Variants in NOX4 observed in about 807,000 individuals in gnomAD.
The protein encoded by NOX4 is kidney oxidase-1.
NOX4 carries 69 observed loss-of-function variants against 87.6 expected under a neutral mutation model. The ratio of observed to expected loss-of-function variants is 0.79; its 90% CI spans 0.65 to 0.96. The LOEUF (loss-of-function observed/expected upper bound fraction) is 0.96, where lower values mean the gene tolerates loss of function less well. Among genes scored for constraint, NOX4 ranks in the 40% least tolerant of loss-of-function variants. The pLI, the probability that NOX4 is intolerant of heterozygous loss-of-function variation, is 0.00. For missense variants in NOX4, 680 were observed against 681.5 expected, an observed-to-expected ratio of 1.00 and a Z score of 0.02; for synonymous variants, 275 against 238.2, an observed-to-expected ratio of 1.15 and a Z score of -1.42.
intron 4 of NOX4, among the ~76,000 whole-genome samples, chr11:89,448,415 G>T (rs551962363): frequency 6.6e-6 from 1 of 152,012 alleles, no homozygotes; most frequent in Admixed American, 6.6e-5. Context: ...TTTTAAAAAG[G>T]CTTATAATAG....
the NOX4 span, among the ~76,000 whole-genome samples, chr11:89,503,537 T>C: frequency 6.6e-6 from 1 of 151,702 alleles, no homozygotes; most frequent in African/African-American, 2.4e-5. Context: ...ACTCAATAAG[T>C]AAAAAAATCA....
intron 13 of NOX4, among the ~76,000 whole-genome samples, chr11:89,347,315 G>C (rs1212468481): frequency 6.6e-6 from 1 of 152,174 alleles, no homozygotes; most frequent in Non-Finnish European, 1.5e-5. Context: ...ATGGATTGAA[G>C]ATATAAAAGC....
rs12798436 is a variant in NOX4 at position 89,335,993 on chromosome 11, C to T, written c.1516-48G>A. 3.4e-6 allele frequency: 4 copies of T among 1,169,654 alleles called. No individual in the cohort carries two copies. The Admixed American group carries it at 8.6e-5, about 25-fold the overall frequency. 72.5% of individuals were successfully genotyped at this position (1,169,654 alleles called of 1,614,324 possible). A position where few individuals can be genotyped will look rare whatever the true frequency, so the allele number is the denominator to read the frequency against. On this transcript the variant is annotated intron_variant, in intron 16 of 17. Transcript: ENST00000263317. The stretch of plus-strand genomic sequence containing the variant: ...TTATTCGATATTTAGTTAAGTAAAC[C>T]AGTTCTCTAACATCATTTCTGCTGG...
intron 5 of NOX4, among the ~76,000 whole-genome samples, chr11:89,440,931 T>C (rs988454187): frequency 4.6e-5 from 7 of 152,134 alleles, no homozygotes; most frequent in Non-Finnish European, 1.5e-5. Flanking sequence ...AATCTATCCA[T>C]CTGAGGCAAA....
the NOX4 span, among the ~76,000 whole-genome samples, chr11:89,541,876 G>A: frequency 6.6e-6 from 1 of 152,314 alleles, no homozygotes; most frequent in African/African-American, 2.4e-5. Context: ...CTAGAATGCA[G>A]TAGTGCAATC....
At chr11:89,535,720 A>C in the NOX4 span, among the ~76,000 whole-genome samples, 1 of 152,094 alleles carries the variant, frequency 6.6e-6, no homozygotes, top group South Asian at 2.1e-4. Flanking sequence ...TTTTAACTAA[A>C]GAGTGTAGCA....
In NOX4 at chr11:89,373,827, AAAGG is replaced by A. The variant is rs1474247227; in HGVS notation, c.1075-339_1075-336del. Among the ~76,000 whole-genome samples, 8 of 152,214 alleles carry A rather than the reference AAAGG, an allele frequency of 5.3e-5. No homozygotes were observed. In the South Asian group the frequency reaches 1.7e-3, roughly 32 times the overall value. On this transcript the variant is annotated intron_variant, in intron 11 of 17. Coordinates refer to ENST00000263317, the MANE Select transcript of NOX4 (RefSeq NM_016931.5). Reference sequence around the variant, plus strand: ...ATAAGAAAAGCCAGTTTTAAATCACAAAGGAAGAAACAAAAACTAATGCTTTTTT... The same window carrying A: ...ATAAGAAAAGCCAGTTTTAAATCACAAAGAAACAAAAACTAATGCTTTTTT...
upstream of NOX4, among the ~76,000 whole-genome samples, chr11:89,500,394 A>C (rs893823657): frequency 1.2e-4 from 19 of 152,242 alleles, no homozygotes; most frequent in African/African-American, 4.3e-4. Context: ...TTGTCAACCA[A>C]ATGTCTTCAT....
intron 12 of NOX4, among the ~76,000 whole-genome samples, chr11:89,367,409 C>T (rs1317623906): frequency 6.6e-6 from 1 of 152,124 alleles, no homozygotes; most frequent in Non-Finnish European, 1.5e-5. Flanking sequence ...CTAACTCTCT[C>T]CACTTACTGG....
chr11:89,450,083 C>A (rs1591287543), intron 3 of NOX4, among the ~76,000 whole-genome samples: 2 of 152,202 alleles, frequency 1.3e-5, no homozygotes, highest in Admixed American at 1.3e-4. Flanking sequence ...ACACTCGGGG[C>A]AAATCTTTAA....
At chr11:89,354,153 T>C (rs1269112133) in intron 13 of NOX4, among the ~76,000 whole-genome samples, 1 of 152,216 alleles carries the variant, frequency 6.6e-6, no homozygotes, top group East Asian at 1.9e-4. Flanking sequence ...ATGAAATATG[T>C]ATAAACCAAA....
chr11:89,412,007 AGAG>A (rs1326058233), intron 8 of NOX4, among the ~76,000 whole-genome samples: 2 of 152,154 alleles, frequency 1.3e-5, no homozygotes, highest in African/African-American at 4.8e-5. Context: ...CCAAAAAGGA[AGAG>A]GAGAAGCTAT....
intron 8 of NOX4, among the ~76,000 whole-genome samples, chr11:89,414,336 C>A (rs758888983): frequency 2.6e-5 from 4 of 151,924 alleles, no homozygotes; most frequent in Non-Finnish European, 4.4e-5. Context: ...GATGGGTAAT[C>A]TAATATTTAG....
the NOX4 span, among the ~76,000 whole-genome samples, chr11:89,531,397 A>C: frequency 6.6e-6 from 1 of 152,198 alleles, no homozygotes; most frequent in African/African-American, 2.4e-5. Context: ...ACATTAAGAC[A>C]CACAGAAGCT....
At chr11:89,476,901 T>C (rs955633183) in intron 2 of NOX4, among the ~76,000 whole-genome samples, 3 of 152,172 alleles carry the variant, frequency 2.0e-5, no homozygotes, top group African/African-American at 7.2e-5. Context: ...ATGCCATTTT[T>C]GTGAATTAGA....
At chr11:89,473,501 T>C (rs1409709037) in intron 2 of NOX4, among the ~76,000 whole-genome samples, 1 of 152,026 alleles carries the variant, frequency 6.6e-6, no homozygotes, top group African/African-American at 2.4e-5. Context: ...ATGACAATGA[T>C]ACCTCTTCAT....
chr11:89,380,044 G>A (rs2135090136), intron 11 of NOX4, among the ~76,000 whole-genome samples: 1 of 152,202 alleles, frequency 6.6e-6, no homozygotes, highest in South Asian at 2.1e-4. Flanking sequence ...AAATGTTCTG[G>A]ATATATGAGC....
At chr11:89,572,492 T>C in the NOX4 span, among the ~76,000 whole-genome samples, 1 of 152,180 alleles carries the variant, frequency 6.6e-6, no homozygotes, top group African/African-American at 2.4e-5. Flanking sequence ...CTTGAGACAA[T>C]AAAAATGATG....
chr11:89,372,942 A>T (rs1939554142), intron 12 of NOX4, among the ~76,000 whole-genome samples: 1 of 151,950 alleles, frequency 6.6e-6, no homozygotes, highest in South Asian at 2.1e-4. Flanking sequence ...TTTACTGAAG[A>T]CAAGTAAAGT....
Sources: allele counts gnomAD v4.1 joint callset (sites outside exome capture counted in the v4.1 genomes callset), GRCh38; gene constraint gnomAD v4.1.1; transcripts MANE v1.5; gene names NCBI Gene and HGNC (gene_info 2026-07-23, HGNC 2026-07-21).